Variants in ITPR2 observed in about 807,000 individuals in gnomAD.
ITPR2 encodes inositol 1,4,5-trisphosphate receptor type 2.
Under a neutral mutation model 317.1 loss-of-function variants are expected in ITPR2, and 207 were observed. The observed-to-expected ratio is 0.65, with a 90% CI of 0.58 to 0.73. The LOEUF is 0.73. Ranked by LOEUF, ITPR2 falls within the 30% of genes least tolerant of loss-of-function variation. The pLI, the probability that ITPR2 is intolerant of heterozygous loss-of-function variation, is 0.00. For synonymous variants in ITPR2, 1,156 were observed against 1,149.1 expected (o/e 1.01, Z -0.12); for missense variants, 2,613 against 3,284.0 (o/e 0.80, Z 4.99).
chr12:26,749,863 T>C lies in ITPR2; in HGVS notation c.164-24098A>G, dbSNP rs139202290. Among the ~76,000 whole-genome samples, 327 of 152,330 alleles carry C rather than the reference T, an allele frequency of 2.1e-3. 1 individual carries two copies. The highest frequency in any genetic ancestry group is 3.5e-3 in the Admixed American group (54 of 15,304). ...TCATGTATGGGTTTCTTTTTCTTTT[T>C]TTTGCTGACACTGTTAGAATAAACT... On this transcript the variant is annotated intron_variant, in intron 2 of 56. Transcript: ENST00000381340.
chr12:26,703,183 T>G (rs905673222), intron 9 of ITPR2, among the ~76,000 whole-genome samples: 2 of 152,222 alleles, frequency 1.3e-5, no homozygotes, highest in Non-Finnish European at 2.9e-5. Flanking sequence ...TCCTTTAAAC[T>G]TACTGTGAGA....
chr12:26,494,065 GA>G, intron 39 of ITPR2, 87 bp downstream of exon 39: 3 of 1,014,620 alleles, frequency 3.0e-6, no homozygotes, highest in Non-Finnish European at 4.2e-6. Flanking sequence ...AGAGCTAAAA[GA>G]AACACATTAC....
intron 13 of ITPR2, among the ~76,000 whole-genome samples, chr12:26,671,570 A>G (rs1016743107): frequency 1.3e-5 from 2 of 152,218 alleles, no homozygotes; most frequent in African/African-American, 4.8e-5. Flanking sequence ...GGAAAGGAAC[A>G]ACTGGTACCA....
intron 1 of ITPR2, 39 bp downstream of exon 1, chr12:26,832,651 C>T: frequency 6.7e-7 from 1 of 1,483,814 alleles, no homozygotes; most frequent in Non-Finnish European, 9.3e-7. Flanking sequence ...TCCCAGGACC[C>T]GGAGCGCGAG....
chr12:26,363,650 AG>A (rs1454475202), intron 55 of ITPR2, among the ~76,000 whole-genome samples: 1 of 152,202 alleles, frequency 6.6e-6, no homozygotes, highest in Admixed American at 6.5e-5. Context: ...ATCTTAGAAA[AG>A]GTGGGGCTTA....
At chr12:26,719,469 T>G (rs1210771024) in intron 5 of ITPR2, among the ~76,000 whole-genome samples, 1 of 152,186 alleles carries the variant, frequency 6.6e-6, no homozygotes, top group Admixed American at 6.5e-5. Flanking sequence ...AAGCTGAGAT[T>G]TCGCTGAAAA....
At position 26,628,130 on chromosome 12, in the gene ITPR2, G is replaced by T; in HGVS notation, c.2967C>A (p.Ile989=). 6.2e-7 allele frequency: 1 copy of T among 1,606,928 alleles called. No homozygotes were observed. ...FILSVRLDYR[I]SYMLSIYKKE... ...TCTTATATATTGACAGCATATATGA[G>T]ATCCTATAATCCAGTCTGACACTCA... Residue 989 remains isoleucine (I), a synonymous_variant, in exon 23 of 57, where the codon ATC becomes ATA. Transcript: ENST00000381340.
At chr12:26,771,722 G>GC (rs1176722420) in intron 2 of ITPR2, among the ~76,000 whole-genome samples, 4 of 151,960 alleles carry the variant, frequency 2.6e-5, no homozygotes, top group Non-Finnish European at 5.9e-5. Context: ...CACTGTGTTA[G>GC]CAGGATGGTC....
intron 1 of ITPR2, among the ~76,000 whole-genome samples, chr12:26,830,958 C>T (rs1012173696): frequency 1.3e-5 from 2 of 152,168 alleles, no homozygotes. Context: ...GAGACAGGGG[C>T]ACAGAGTTTA....
intron 2 of ITPR2, among the ~76,000 whole-genome samples, chr12:26,770,724 A>C (rs185575769): frequency 9.7e-4 from 148 of 152,312 alleles, no homozygotes; most frequent in African/African-American, 2.9e-3. Flanking sequence ...TGGCCAGCCC[A>C]CTAACCACCA....
At chr12:26,665,113 T>C (rs1947595074) in intron 14 of ITPR2, among the ~76,000 whole-genome samples, 5 of 152,200 alleles carry the variant, frequency 3.3e-5, no homozygotes, top group Admixed American at 3.3e-4. Context: ...TACTGACGTG[T>C]TATGAACAAT....
At chr12:26,408,367 C>G (rs1940426125) in intron 52 of ITPR2, among the ~76,000 whole-genome samples, 1 of 152,154 alleles carries the variant, frequency 6.6e-6, no homozygotes. Context: ...AAAATATTTA[C>G]TTTTTAAATT....
intron 26 of ITPR2, among the ~76,000 whole-genome samples, chr12:26,618,588 G>A (rs1235670538): frequency 1.3e-5 from 2 of 152,142 alleles, no homozygotes; most frequent in African/African-American, 2.4e-5. Context: ...ACTAGTGGAG[G>A]GAAAACAACT....
At chr12:26,676,395 T>C (rs1947907839) in intron 13 of ITPR2, among the ~76,000 whole-genome samples, 1 of 151,224 alleles carries the variant, frequency 6.6e-6, no homozygotes, top group Non-Finnish European at 1.5e-5. Context: ...AAGAATCACT[T>C]GAGCCTGCGA....
intron 2 of ITPR2, among the ~76,000 whole-genome samples, chr12:26,784,261 C>A (rs543145303): frequency 1.7e-4 from 1 of 6,020 alleles, no homozygotes; most frequent in African/African-American, 5.7e-4. Flanking sequence ...GAGAATCTCC[C>A]TCTCCCTCTC....
intron 34 of ITPR2, among the ~76,000 whole-genome samples, chr12:26,568,236 T>G (rs1417695984): frequency 5.3e-5 from 8 of 151,232 alleles, no homozygotes; most frequent in African/African-American, 1.9e-4. Flanking sequence ...CCTAGTTCAC[T>G]TCTAAGTTGG....
chr12:26,408,090 A>G (rs757330255), intron 52 of ITPR2, among the ~76,000 whole-genome samples: 1 of 152,234 alleles, frequency 6.6e-6, no homozygotes, highest in African/African-American at 2.4e-5. Flanking sequence ...TGTGATGATC[A>G]GTCATACCAC....
At chr12:26,588,248 G>C (rs1945588259) in intron 32 of ITPR2, among the ~76,000 whole-genome samples, 1 of 152,116 alleles carries the variant, frequency 6.6e-6, no homozygotes, top group Non-Finnish European at 1.5e-5. Context: ...AGACAGAGAA[G>C]GGATCCATTC....
chr12:26,502,723 CA>C (rs1943098588), intron 37 of ITPR2, among the ~76,000 whole-genome samples: 1 of 152,044 alleles, frequency 6.6e-6, no homozygotes, highest in Non-Finnish European at 1.5e-5. Context: ...CCAGAGAGTA[CA>C]AGAGGAAAGA....
Sources: allele counts gnomAD v4.1 joint callset (sites outside exome capture counted in the v4.1 genomes callset), GRCh38; gene constraint gnomAD v4.1.1; transcripts MANE v1.5; gene names NCBI Gene and HGNC (gene_info 2026-07-23, HGNC 2026-07-21).